The following CTNNA3 variants were observed in gnomAD, a reference collection of about 807,000 sequenced individuals.
The protein encoded by CTNNA3 is catenin alpha-3.
A neutral mutation model predicts 95.7 loss-of-function variants in CTNNA3; 76 were observed. That is an observed-to-expected ratio of 0.79 (90% confidence interval 0.66 to 0.96). CTNNA3 has a LOEUF of 0.96. Ranked by LOEUF, CTNNA3 falls within the 40% of genes least tolerant of loss-of-function variation. The probability of loss-of-function intolerance (pLI) is 0.00; values close to 1 mark genes in which losing one functional copy is unlikely to be tolerated. For synonymous variants in CTNNA3, 431 were observed against 374.4 expected (o/e 1.15, Z -1.74); for missense variants, 1,191 against 1,089.8 (o/e 1.09, Z -1.31).
intron 14 of CTNNA3, among the ~76,000 whole-genome samples, chr10:66,070,290 G>A (rs778158266): frequency 6.6e-6 from 1 of 152,096 alleles, no homozygotes; most frequent in South Asian, 2.1e-4. Context: ...GGCAAAGCAC[G>A]TAAATGAAGA....
intron 1 of CTNNA3, among the ~76,000 whole-genome samples, chr10:67,654,250 G>A (rs528688665): frequency 3.3e-5 from 5 of 152,232 alleles, no homozygotes; most frequent in African/African-American, 7.2e-5. Flanking sequence ...AAAGATTGGC[G>A]AGTAGAGCCT....
At chr10:67,044,574 G>A (rs951537763) in intron 7 of CTNNA3, among the ~76,000 whole-genome samples, 5 of 152,224 alleles carry the variant, frequency 3.3e-5, no homozygotes, top group East Asian at 1.9e-4. Context: ...AGAAGTGATA[G>A]CTATCCCTCT....
chr10:66,433,513 A>G (rs80053130), intron 11 of CTNNA3, among the ~76,000 whole-genome samples: 58,090 of 151,854 alleles, frequency 0.38, 11,664 homozygotes, highest in African/African-American at 0.5. Flanking sequence ...TTGTAAATTC[A>G]TTTAAGTTCT....
intron 7 of CTNNA3, among the ~76,000 whole-genome samples, chr10:66,921,183 A>G (rs1846767555): frequency 6.6e-6 from 1 of 152,152 alleles, no homozygotes; most frequent in African/African-American, 2.4e-5. Context: ...GCAGAGAGAG[A>G]GAAGAAGCAA....
At chr10:67,404,734 A>G (rs1845068742) in intron 5 of CTNNA3, among the ~76,000 whole-genome samples, 1 of 152,102 alleles carries the variant, frequency 6.6e-6, no homozygotes, top group African/African-American at 2.4e-5. Context: ...ACTCCACAAG[A>G]AGATCGTCCC....
chr10:66,605,574 T>C (rs939240826), intron 10 of CTNNA3, among the ~76,000 whole-genome samples: 1 of 152,008 alleles, frequency 6.6e-6, no homozygotes, highest in African/African-American at 2.4e-5. Context: ...CCAGGTAACC[T>C]ACAAAGGGAA....
At chr10:66,580,990 C>A (rs1477859407) in intron 10 of CTNNA3, among the ~76,000 whole-genome samples, 3 of 151,726 alleles carry the variant, frequency 2.0e-5, no homozygotes, top group African/African-American at 4.8e-5. Context: ...TAAGAGAGAA[C>A]CTTCAGTATC....
At chr10:66,436,478 A>G (rs1309682670) in intron 11 of CTNNA3, among the ~76,000 whole-genome samples, 2 of 145,500 alleles carry the variant, frequency 1.4e-5, no homozygotes, top group Non-Finnish European at 3.0e-5. Context: ...CTGGGTTATC[A>G]GAGACTAGGA....
At chr10:66,333,064 G>A (rs1429070389) in intron 12 of CTNNA3, among the ~76,000 whole-genome samples, 6 of 151,690 alleles carry the variant, frequency 4.0e-5, no homozygotes, top group Non-Finnish European at 7.4e-5. Flanking sequence ...CTGTGGGATC[G>A]GTGGTGATAT....
At chr10:66,580,221 G>T (rs1241321180) in intron 10 of CTNNA3, among the ~76,000 whole-genome samples, 1 of 151,130 alleles carries the variant, frequency 6.6e-6, no homozygotes, top group East Asian at 1.9e-4. Flanking sequence ...TGATTTCTTT[G>T]CTGTAACATT....
intron 7 of CTNNA3, among the ~76,000 whole-genome samples, chr10:67,026,459 TAACAA>T (rs1564840217): frequency 1.3e-5 from 2 of 151,878 alleles, no homozygotes; most frequent in African/African-American, 4.8e-5. Flanking sequence ...CAAAATAATA[TAACAA>T]AACAAAAGAA....
intron 17 of CTNNA3, among the ~76,000 whole-genome samples, chr10:65,952,309 C>G (rs1835109448): frequency 6.6e-6 from 1 of 152,134 alleles, no homozygotes; most frequent in Non-Finnish European, 1.5e-5. Flanking sequence ...CTTTAAATTA[C>G]TAAGGTCTGA....
intron 1 of CTNNA3, among the ~76,000 whole-genome samples, chr10:67,689,061 A>G (rs957615937): frequency 3.9e-5 from 6 of 152,042 alleles, no homozygotes; most frequent in African/African-American, 1.4e-4. Flanking sequence ...GCCCTTACCG[A>G]TGCATTCTCA....
intron 13 of CTNNA3, among the ~76,000 whole-genome samples, chr10:66,182,967 T>A (rs2086134867): frequency 6.6e-6 from 1 of 152,214 alleles, no homozygotes; most frequent in Non-Finnish European, 1.5e-5. Context: ...CACTCGGGAG[T>A]CTGGCTCCAG....
chr10:66,983,718 A>T (rs966876835), intron 7 of CTNNA3, among the ~76,000 whole-genome samples: 1 of 152,230 alleles, frequency 6.6e-6, no homozygotes, highest in Non-Finnish European at 1.5e-5. Context: ...TCTCCACAGC[A>T]AAATAAATTA....
rs1208600055 is a variant in CTNNA3, at chr10:66,499,367, AG to A, written c.1531+21249del. Among the ~76,000 whole-genome samples the A allele has an allele frequency of 9.2e-5, 14 of 152,346 alleles. No homozygotes were observed. The South Asian group carries it at 2.9e-3, about 32-fold the overall frequency. ...CTGAATAAGTAACAAATAAAAAACT[AG>A]GCTTAACAGTCAGGTAAATATTTTT... On this transcript the variant is annotated intron_variant, in intron 11 of 17. Transcript: ENST00000433211.
chr10:66,173,677 T>C (rs940470354), intron 13 of CTNNA3, among the ~76,000 whole-genome samples: 2 of 152,004 alleles, frequency 1.3e-5, no homozygotes, highest in Non-Finnish European at 2.9e-5. Flanking sequence ...ACAGAGACCC[T>C]ATCTCAAAAA....
intron 15 of CTNNA3, among the ~76,000 whole-genome samples, chr10:66,001,944 C>A (rs941742897): frequency 6.6e-6 from 1 of 152,046 alleles, no homozygotes; most frequent in South Asian, 2.1e-4. Flanking sequence ...CATAAACTCT[C>A]TCTGTGTGTA....
chr10:67,041,763 A>T (rs920691699), intron 7 of CTNNA3, among the ~76,000 whole-genome samples: 1 of 152,148 alleles, frequency 6.6e-6, no homozygotes, highest in African/African-American at 2.4e-5. Flanking sequence ...TAAATAAGAT[A>T]ATATTCTATC....
Sources: allele counts gnomAD v4.1 joint callset (sites outside exome capture counted in the v4.1 genomes callset), GRCh38; gene constraint gnomAD v4.1.1; transcripts MANE v1.5; gene names NCBI Gene and HGNC (gene_info 2026-07-23, HGNC 2026-07-21).